RGS6: variants seen among roughly 807,000 people sequenced by gnomAD.
RGS6 encodes the protein regulator of G-protein signaling 6.
A neutral mutation model predicts 78.5 loss-of-function variants in RGS6; 30 were observed. The ratio of observed to expected loss-of-function variants is 0.38; its 90% CI spans 0.29 to 0.52. The LOEUF (loss-of-function observed/expected upper bound fraction) is 0.52, where lower values mean the gene tolerates loss of function less well. Among genes scored for constraint, RGS6 ranks in the 20% least tolerant of loss-of-function variants. The pLI is 0.85. For missense variants in RGS6, 495 were observed against 609.7 expected (o/e 0.81, Z 1.98); for synonymous variants, 206 against 206.0 (o/e 1.00, Z 0.00).
At chr14:71,941,504 A>G (rs1426663216) in intron 1 of RGS6, among the ~76,000 whole-genome samples, 2 of 152,232 alleles carry the variant, frequency 1.3e-5, no homozygotes, top group African/African-American at 4.8e-5. Flanking sequence ...TAGGGAGTTT[A>G]TTAAGTATTC....
Position 72,236,799 on chromosome 14 carries a change from G to C in RGS6, c.85-115296G>C, listed in dbSNP as rs185157491. Among the ~76,000 whole-genome samples, 294 of 152,182 alleles carry C rather than the reference G, an allele frequency of 1.9e-3. 1 individual carries two copies. The highest frequency in any genetic ancestry group is 3.6e-3 in the Admixed American group (55 of 15,288). ...ACTCCTCACTTCCCAGATGGCAGGG[G>C]GCGCTGAGCAGAGGTGCTCCTAACT... On this transcript the variant is annotated intron_variant, in intron 2 of 17. Coordinates refer to ENST00000553525, the MANE Select transcript of RGS6 (RefSeq NM_001204424.2).
chr14:71,982,209 C>A (rs1332280623), intron 2 of RGS6, among the ~76,000 whole-genome samples: 1 of 152,152 alleles, frequency 6.6e-6, no homozygotes, highest in Non-Finnish European at 1.5e-5. Flanking sequence ...TGAGATGAAC[C>A]CGGTACCTCA....
intron 2 of RGS6, among the ~76,000 whole-genome samples, chr14:72,059,045 A>G (rs1478881188): frequency 6.6e-6 from 1 of 152,148 alleles, no homozygotes; most frequent in Admixed American, 6.5e-5. Flanking sequence ...CCGGGACTAC[A>G]GGTGCCACCA....
intron 2 of RGS6, among the ~76,000 whole-genome samples, chr14:72,301,088 G>T (rs540256626): frequency 8.5e-4 from 129 of 152,302 alleles, no homozygotes; most frequent in African/African-American, 3.0e-3. Context: ...GTGATAGCTT[G>T]GCTTGTGTGA....
At chr14:71,902,991 T>C in the RGS6 span, among the ~76,000 whole-genome samples, 3 of 152,252 alleles carry the variant, frequency 2.0e-5, no homozygotes, top group South Asian at 4.1e-4. Flanking sequence ...TCCTGACTCA[T>C]TGGATAAACC....
intron 3 of RGS6, among the ~76,000 whole-genome samples, chr14:72,437,751 C>T (rs954987814): frequency 2.0e-5 from 3 of 152,178 alleles, no homozygotes; most frequent in African/African-American, 7.2e-5. Context: ...ATGCCTGGCT[C>T]TGATGACATT....
At chr14:71,994,980 C>T (rs1164661618) in intron 2 of RGS6, among the ~76,000 whole-genome samples, 1 of 152,140 alleles carries the variant, frequency 6.6e-6, no homozygotes, top group Non-Finnish European at 1.5e-5. Flanking sequence ...TTCAGATGAC[C>T]CTGTCCTATG....
intron 2 of RGS6, among the ~76,000 whole-genome samples, chr14:72,219,446 A>G (rs2046355953): frequency 6.6e-6 from 1 of 152,166 alleles, no homozygotes; most frequent in Admixed American, 6.5e-5. Context: ...TTTAGGGGAA[A>G]ACTATTTCCT....
At chr14:72,423,896 A>T (rs1447857597) in intron 3 of RGS6, among the ~76,000 whole-genome samples, 2 of 152,226 alleles carry the variant, frequency 1.3e-5, no homozygotes, top group Non-Finnish European at 2.9e-5. Context: ...CCCTGCTGTG[A>T]CACTAGGGAT....
chr14:71,889,807 C>T, the RGS6 span, among the ~76,000 whole-genome samples: 3,501 of 152,196 alleles, frequency 0.023, 144 homozygotes, highest in African/African-American at 0.08. Context: ...AGGCGTCTCA[C>T]GAATGGTTTA....
chr14:72,137,668 A>G (rs1405698892), intron 2 of RGS6, among the ~76,000 whole-genome samples: 1 of 152,236 alleles, frequency 6.6e-6, no homozygotes, highest in African/African-American at 2.4e-5. Context: ...GGACAGCCAG[A>G]TGAAGAGATA....
chr14:72,181,162 A>G (rs1273816769), intron 2 of RGS6, among the ~76,000 whole-genome samples: 1 of 152,232 alleles, frequency 6.6e-6, no homozygotes, highest in Non-Finnish European at 1.5e-5. Flanking sequence ...ATTTAATTAT[A>G]ATTCACATCA....
chr14:72,475,854 T>A (rs986159099), intron 10 of RGS6, among the ~76,000 whole-genome samples: 2 of 93,676 alleles, frequency 2.1e-5, no homozygotes, highest in Non-Finnish European at 4.3e-5. Flanking sequence ...ACACACACAC[T>A]AGACATGGCG....
chr14:72,081,008 G>GAATTTTA (rs1395519953), intron 2 of RGS6, among the ~76,000 whole-genome samples: 1 of 151,984 alleles, frequency 6.6e-6, no homozygotes, highest in Non-Finnish European at 1.5e-5. Context: ...GGGGTCTTTT[G>GAATTTTA]TGGTTCCATA....
intron 1 of RGS6, among the ~76,000 whole-genome samples, chr14:71,939,690 T>C (rs1361065659): frequency 1.3e-5 from 2 of 152,226 alleles, no homozygotes; most frequent in African/African-American, 4.8e-5. Context: ...GCAGCTGCAA[T>C]TGGCATCACC....
At chr14:72,363,072 A>G (rs2081790028) in intron 3 of RGS6, among the ~76,000 whole-genome samples, 1 of 152,240 alleles carries the variant, frequency 6.6e-6, no homozygotes. Flanking sequence ...TTGGCAGAAC[A>G]GCCACAGGAA....
At chr14:72,405,465 G>A (rs533076606) in intron 3 of RGS6, among the ~76,000 whole-genome samples, 2 of 152,336 alleles carry the variant, frequency 1.3e-5, no homozygotes, top group South Asian at 4.1e-4. Flanking sequence ...CTTGCTTTCA[G>A]AAGTGATTCA....
At chr14:71,874,218 TAA>T in the RGS6 span, among the ~76,000 whole-genome samples, 1 of 152,112 alleles carries the variant, frequency 6.6e-6, no homozygotes. Flanking sequence ...ATTGAATCTG[TAA>T]ATTACCTTGG....
rs570692098 is a variant in RGS6, at chr14:72,563,734, G to A, written c.*1267G>A. 1 of 152,356 alleles carries A rather than the reference G, an allele frequency of 6.6e-6. No individual in the cohort carries two copies. The highest frequency in any genetic ancestry group is 6.5e-5 in the Admixed American group (1 of 15,308). 9.4% of individuals were successfully genotyped at this position (152,356 alleles called of 1,614,324 possible). A position where few individuals can be genotyped will look rare whatever the true frequency, so the allele number is the denominator to read the frequency against. On this transcript the variant is annotated 3_prime_UTR_variant, in exon 18 of 18. Transcript: ENST00000553525. Reference sequence around the variant, plus strand: ...CACCGAGTCAGGTGCCTGATACGCAGTAGGTGCTTAGCAAACGGTAGCTAA... The same window carrying A: ...CACCGAGTCAGGTGCCTGATACGCAATAGGTGCTTAGCAAACGGTAGCTAA...
Sources: gnomAD v4.1 joint callset for allele counts (sites outside exome capture counted in the v4.1 genomes callset) on GRCh38, gnomAD v4.1.1 for gene constraint, MANE v1.5 for transcripts, NCBI Gene and HGNC (gene_info 2026-07-23, HGNC 2026-07-21) for gene names.